OR52A1: variants seen among roughly 807,000 people sequenced by gnomAD.
OR52A1 encodes the protein olfactory receptor family 52 subfamily A member 1.
In OR52A1, 14 loss-of-function variants were observed where a neutral mutation model predicts 14.3. The ratio of observed to expected loss-of-function variants is 0.98; its 90% confidence interval spans 0.65 to 1.54. OR52A1 has a LOEUF of 1.54. Among genes scored for constraint, OR52A1 ranks in the 40% most tolerant of loss-of-function variants. The probability of loss-of-function intolerance (pLI) is 0.00; values close to 1 mark genes in which losing one functional copy is unlikely to be tolerated. For synonymous variants in OR52A1, 151 were observed against 135.3 expected (o/e 1.12, Z -0.80); for missense variants, 405 against 381.3 (o/e 1.06, Z -0.52).
chr11:5,153,462 A>G (rs1338165748), intron 1 of OR52A1, among the ~76,000 whole-genome samples: 1 of 152,212 alleles, frequency 6.6e-6, no homozygotes, highest in Non-Finnish European at 1.5e-5. Context: ...GACAGGACAA[A>G]CTTGGGGAGA....
chr11:5,151,548 A>G lies in OR52A1; in HGVS notation c.822T>C (p.Tyr274=), dbSNP rs892773671. ...AAATGCTAGAAAAGAGAATATGGAT[A>G]TAAGGGGAGATGTGAGACCCAAACC... ...THRFGSHISP[Y]IHILFSSIYL... The change falls in exon 2 of 2, where the codon TAT becomes TAC. Residue 274 remains tyrosine, a synonymous_variant. Coordinates refer to ENST00000380367, the MANE Select transcript of OR52A1 (RefSeq NM_012375.3). 8.1e-6 allele frequency: 13 copies of G among 1,608,526 alleles called. No homozygotes were observed. Among genetic ancestry groups the G allele is most frequent in the Admixed American group, 1.7e-5 (1 of 59,118 alleles).
chr11:5,149,891 C>G lies in OR52A1; in HGVS notation c.*1540G>C, dbSNP rs1846521891. The stretch of plus-strand genomic sequence containing the variant: ...CCTTAAGATAGCCTCTATAATCATT[C>G]TCAACAGCCATGGATATCTGCTAAG... On this transcript the variant is annotated 3_prime_UTR_variant, in exon 2 of 2. Coordinates refer to ENST00000380367, the MANE Select transcript of OR52A1 (RefSeq NM_012375.3). The G allele has an allele frequency of 6.6e-6, 1 of 152,142 alleles. No individual in the cohort carries two copies. The highest frequency in any genetic ancestry group is 1.5e-5 in the Non-Finnish European group (1 of 68,030). The allele number at this position is 152,142 out of a possible 1,614,324, so 9.4% of individuals were successfully genotyped here.
chr11:5,150,824 G>C lies in OR52A1; in HGVS notation c.*607C>G, dbSNP rs2133535038. The C allele has an allele frequency of 6.6e-6, 1 of 151,612 alleles. No individual in the cohort carries two copies. The highest frequency in any genetic ancestry group is 2.4e-5 in the African/African-American group (1 of 41,390). 9.4% of individuals were successfully genotyped at this position (151,612 alleles called of 1,614,324 possible). A position where few individuals can be genotyped will look rare whatever the true frequency, so the allele number is the denominator to read the frequency against. ...GATAAAATGATGAATTAATAAAGAA[G>C]TAAATTTTGAGGTTAGCAAAAAAAA... On this transcript the variant is annotated 3_prime_UTR_variant, in exon 2 of 2. Transcript: ENST00000380367.
At position 5,151,359 on chromosome 11, in the gene OR52A1, G is replaced by GT. The variant is rs1337763810; in HGVS notation, c.*71dup. The GT allele has an allele frequency of 7.9e-7, 1 of 1,257,992 alleles. No homozygotes were observed. The highest frequency in any genetic ancestry group is 1.1e-6 in the Non-Finnish European group (1 of 898,586). The allele number at this position is 1,257,992 out of a possible 1,614,324, so 77.9% of individuals were successfully genotyped here. On this transcript the variant is annotated 3_prime_UTR_variant, in exon 2 of 2. Transcript: ENST00000380367. Reference sequence around the variant, plus strand: ...ACAAACCCAGCATCTCAAATAATATGTTTTTTGTTTTGTTTTGATATGGTT... The same window carrying GT: ...ACAAACCCAGCATCTCAAATAATATGTTTTTTTGTTTTGTTTTGATATGGTT...
rs1452517750 is a variant in OR52A1, at chr11:5,148,051, T to C, written c.*3380A>G. ...AACAATAAATTGAGGGTAATATTGATGTATTCTCACATTGAAATGGAGACC... is the reference window on the plus strand; with the variant it reads ...AACAATAAATTGAGGGTAATATTGACGTATTCTCACATTGAAATGGAGACC... On this transcript the variant is annotated 3_prime_UTR_variant, in exon 2 of 2. Coordinates refer to ENST00000380367, the MANE Select transcript of OR52A1 (RefSeq NM_012375.3). 1 of 152,150 alleles carries C rather than the reference T, an allele frequency of 6.6e-6. No homozygotes were observed. Among genetic ancestry groups the C allele is most frequent in the Non-Finnish European group, 1.5e-5 (1 of 68,030 alleles). The allele number at this position is 152,150 out of a possible 1,614,324, so 9.4% of individuals were successfully genotyped here.
Position 5,149,647 on chromosome 11 carries a change from T to C in OR52A1, c.*1784A>G, listed in dbSNP as rs1846520199. 6.6e-6 allele frequency: 1 copy of C among 152,240 alleles called. No individual in the cohort carries two copies. The highest frequency in any genetic ancestry group is 2.4e-5 in the African/African-American group (1 of 41,460). 9.4% of individuals were successfully genotyped at this position (152,240 alleles called of 1,614,324 possible). A position where few individuals can be genotyped will look rare whatever the true frequency, so the allele number is the denominator to read the frequency against. On this transcript the variant is annotated 3_prime_UTR_variant, in exon 2 of 2. Transcript: ENST00000380367. ...TCTTGTTATATTAATGCCTACATGATATTCTTGAATTTGCCTCTTTTTCCA... is the reference window on the plus strand; with the variant it reads ...TCTTGTTATATTAATGCCTACATGACATTCTTGAATTTGCCTCTTTTTCCA...
At chr11:5,153,822 T>C (rs1231128710) in intron 1 of OR52A1, among the ~76,000 whole-genome samples, 4 of 47,050 alleles carry the variant, frequency 8.5e-5, no homozygotes, top group Admixed American at 2.4e-4. Flanking sequence ...AAAGCAGCTT[T>C]TTTTTTTTTT....
rs1846522253 is a variant in OR52A1 at position 5,149,946 on chromosome 11, A to G, written c.*1485T>C. On this transcript the variant is annotated 3_prime_UTR_variant, in exon 2 of 2. Transcript: ENST00000380367. ...AATCCGTGAAGCCAGAGGATCCACC[A>G]GGTGGGTGTATGACAAGCAATCCAA... The G allele has an allele frequency of 2.0e-5, 3 of 152,352 alleles. No individual in the cohort carries two copies. Among genetic ancestry groups the G allele is most frequent in the Admixed American group, 6.5e-5 (1 of 15,298 alleles). The allele number at this position is 152,352 out of a possible 1,614,324, so 9.4% of individuals were successfully genotyped here.
At chr11:5,153,819 CT>C (rs58039145) in intron 1 of OR52A1, among the ~76,000 whole-genome samples, 21,245 of 118,864 alleles carry the variant, frequency 0.18, 1,568 homozygotes, top group East Asian at 0.35. Context: ...GAAAAAGCAG[CT>C]TTTTTTTTTT....
At chr11:5,153,888 T>C (rs1368576921) in intron 1 of OR52A1, among the ~76,000 whole-genome samples, 1 of 137,492 alleles carries the variant, frequency 7.3e-6, no homozygotes, top group Non-Finnish European at 1.5e-5. Flanking sequence ...AAAGAGGAAA[T>C]GGATACAAGT....
rs1043920286 is a variant in OR52A1, at chr11:5,149,380, C to T, written c.*2051G>A. ...AGTGGTCATTGTTAAACATCCCAAA[C>T]CTGGCCTACTTCCTGTTTTCTATAG... On this transcript the variant is annotated 3_prime_UTR_variant, in exon 2 of 2. Coordinates refer to ENST00000380367, the MANE Select transcript of OR52A1 (RefSeq NM_012375.3). 4 of 152,118 alleles carry T rather than the reference C, an allele frequency of 2.6e-5. No homozygotes were observed. The highest frequency in any genetic ancestry group is 7.2e-5 in the African/African-American group (3 of 41,420). 9.4% of individuals were successfully genotyped at this position (152,118 alleles called of 1,614,324 possible). A position where few individuals can be genotyped will look rare whatever the true frequency, so the allele number is the denominator to read the frequency against.
rs1030577953 is a variant in OR52A1 at position 5,150,817 on chromosome 11, TAAAG to T, written c.*610_*613del. The T allele has an allele frequency of 2.0e-5, 3 of 151,482 alleles. No individual in the cohort carries two copies. The highest frequency in any genetic ancestry group is 7.3e-5 in the African/African-American group (3 of 41,232). The allele number at this position is 151,482 out of a possible 1,614,324, so 9.4% of individuals were successfully genotyped here. ...GGTTTTTGATAAAATGATGAATTAATAAAGAAGTAAATTTTGAGGTTAGCAAAAA... is the reference window on the plus strand; with the variant it reads ...GGTTTTTGATAAAATGATGAATTAATAAGTAAATTTTGAGGTTAGCAAAAA... On this transcript the variant is annotated 3_prime_UTR_variant, in exon 2 of 2. Coordinates refer to ENST00000380367, the MANE Select transcript of OR52A1 (RefSeq NM_012375.3).
chr11:5,153,224 A>G (rs1846569610), intron 1 of OR52A1, among the ~76,000 whole-genome samples: 1 of 152,210 alleles, frequency 6.6e-6, no homozygotes, highest in African/African-American at 2.4e-5. Flanking sequence ...GATACTGAAT[A>G]ATGGGCAAAT....
In OR52A1 at chr11:5,146,888, C is replaced by T. The variant is rs1327393330; in HGVS notation, c.*4543G>A. Reference sequence around the variant, plus strand: ...ACAGTTACTGTCCTCTGTTCCCATCCTCGACTCTTTAGAGAGTCATCATCT... The same window carrying T: ...ACAGTTACTGTCCTCTGTTCCCATCTTCGACTCTTTAGAGAGTCATCATCT... On this transcript the variant is annotated 3_prime_UTR_variant, in exon 2 of 2. Transcript: ENST00000380367. The T allele has an allele frequency of 6.6e-6, 1 of 152,176 alleles. No individual in the cohort carries two copies. Among genetic ancestry groups the T allele is most frequent in the Non-Finnish European group, 1.5e-5 (1 of 68,022 alleles). The allele number at this position is 152,176 out of a possible 1,614,324, so 9.4% of individuals were successfully genotyped here. A position where few individuals can be genotyped will look rare whatever the true frequency, so the allele number is the denominator to read the frequency against.
At position 5,152,036 on chromosome 11, in the gene OR52A1, T is replaced by C. The variant is rs746772575; in HGVS notation, c.334A>G (p.Ile112Val). The C allele has an allele frequency of 6.2e-7, 1 of 1,613,940 alleles. No individual in the cohort carries two copies. The highest frequency in any genetic ancestry group is 8.5e-7 in the Non-Finnish European group (1 of 1,179,974). The part of the protein sequence containing the change: ...QMWFIHTLQG[I>V]ESGILVAMAL... ...ATGGCCACAAGGATGCCTGACTCTA[T>C]ACCCTGCAATGTGTGGATGAACCAC... Residue 112 changes from isoleucine (I) to valine (V), a missense_variant, in exon 2 of 2, where the codon ATA becomes GTA. Transcript: ENST00000380367.
At position 5,152,579 on chromosome 11, in the gene OR52A1, C is replaced by A; in HGVS notation, c.-210G>T. ...TGTTTTCAGGTGGGGCATTCACAGG[C>A]ACTGTGCCATAATAGGATGTTATGT... On this transcript the variant is annotated 5_prime_UTR_variant, in exon 2 of 2. Coordinates refer to ENST00000380367, the MANE Select transcript of OR52A1 (RefSeq NM_012375.3). 9.3e-6 allele frequency: 5 copies of A among 534,962 alleles called. No individual in the cohort carries two copies. The highest frequency in any genetic ancestry group is 1.7e-5 in the Non-Finnish European group (5 of 291,676). 33.1% of individuals were successfully genotyped at this position (534,962 alleles called of 1,614,324 possible).
At position 5,151,688 on chromosome 11, in the gene OR52A1, C is replaced by G; in HGVS notation, c.682G>C (p.Val228Leu). 6.2e-7 allele frequency: 1 copy of G among 1,614,136 alleles called. No individual in the cohort carries two copies. Among genetic ancestry groups the G allele is most frequent in the Non-Finnish European group, 8.5e-7 (1 of 1,180,000 alleles). Residue 228 changes from valine (V) to leucine (L), a missense_variant, in exon 2 of 2, where the codon GTT (valine) becomes CTT (leucine). Transcript: ENST00000380367. ...TLSYIQIFIT[V>L]FRLPQKEARF... ...GCCTCCTTCTGGGGCAAACGAAAAACTGTGATAAATATCTGGATGTAGGAC... is the reference window on the plus strand; with the variant it reads ...GCCTCCTTCTGGGGCAAACGAAAAAGTGTGATAAATATCTGGATGTAGGAC...
At position 5,150,624 on chromosome 11, in the gene OR52A1, G is replaced by A. The variant is rs1289427470; in HGVS notation, c.*807C>T. On this transcript the variant is annotated 3_prime_UTR_variant, in exon 2 of 2. Coordinates refer to ENST00000380367, the MANE Select transcript of OR52A1 (RefSeq NM_012375.3). ...TCTCTCTGAACTCCACATCCTATGT[G>A]TACACTTGTTATTTCTCTCTTCTTT... 1 of 152,074 alleles carries A rather than the reference G, an allele frequency of 6.6e-6. No individual in the cohort carries two copies. Among genetic ancestry groups the A allele is most frequent in the Non-Finnish European group, 1.5e-5 (1 of 68,028 alleles). The allele number at this position is 152,074 out of a possible 1,614,324, so 9.4% of individuals were successfully genotyped here.
At position 5,154,492 on chromosome 11, in the gene OR52A1, G is replaced by A. The variant is rs1252739137; in HGVS notation, c.-367C>T. 6.6e-6 allele frequency: 1 copy of A among 152,134 alleles called. No individual in the cohort carries two copies. Among genetic ancestry groups the A allele is most frequent in the East Asian group, 1.9e-4 (1 of 5,206 alleles). The allele number at this position is 152,134 out of a possible 1,614,324, so 9.4% of individuals were successfully genotyped here. A position where few individuals can be genotyped will look rare whatever the true frequency, so the allele number is the denominator to read the frequency against. On this transcript the variant is annotated 5_prime_UTR_variant, in exon 1 of 2. Transcript: ENST00000380367. The stretch of plus-strand genomic sequence containing the variant: ...TTCCAGCTTCATTCCCTTAAGTTGT[G>A]GGTTCTGTGATGGCTCTACTTTCTG...
Sources: gnomAD v4.1 joint callset for allele counts (sites outside exome capture counted in the v4.1 genomes callset) on GRCh38, gnomAD v4.1.1 for gene constraint, MANE v1.5 for transcripts, NCBI Gene and HGNC (gene_info 2026-07-23, HGNC 2026-07-21) for gene names.